The following PTPRT variants were observed in gnomAD, a reference collection of about 807,000 sequenced individuals.
PTPRT encodes receptor-type tyrosine-protein phosphatase T.
A neutral mutation model predicts 176.8 loss-of-function variants in PTPRT; 56 were observed. The observed-to-expected ratio is 0.32, with a 90% CI of 0.26 to 0.40. The LOEUF (loss-of-function observed/expected upper bound fraction) is 0.40, where lower values mean the gene tolerates loss of function less well. PTPRT is among the 10% of genes least tolerant of loss of function. The pLI is 1.00. For missense variants in PTPRT, 1,540 were observed against 1,908.2 expected, an observed-to-expected ratio of 0.81 and a Z score of 3.60; for synonymous variants, 783 against 739.0, an observed-to-expected ratio of 1.06 and a Z score of -0.96.
At chr20:42,221,993 T>G (rs548917949) in intron 15 of PTPRT, among the ~76,000 whole-genome samples, 1 of 151,568 alleles carries the variant, frequency 6.6e-6, no homozygotes, top group Non-Finnish European at 1.5e-5. Flanking sequence ...CCAAACCACA[T>G]CAGTTGGTTT....
At chr20:43,169,938 G>T (rs2146457954) in intron 1 of PTPRT, among the ~76,000 whole-genome samples, 1 of 152,250 alleles carries the variant, frequency 6.6e-6, no homozygotes, top group Middle Eastern at 3.4e-3. Context: ...CTCTTTGGTG[G>T]CTCAGAGGCT....
At chr20:42,799,962 A>G (rs2077506217) in intron 2 of PTPRT, among the ~76,000 whole-genome samples, 1 of 152,192 alleles carries the variant, frequency 6.6e-6, no homozygotes, top group Non-Finnish European at 1.5e-5. Context: ...GGAAGGAAAG[A>G]TCTTTCTCCT....
At chr20:43,126,218 G>A (rs536127026) in intron 1 of PTPRT, among the ~76,000 whole-genome samples, 18 of 152,152 alleles carry the variant, frequency 1.2e-4, no homozygotes, top group Non-Finnish European at 2.5e-4. Flanking sequence ...GGGCATGATG[G>A]TGGGTGCCTG....
At chr20:43,050,233 G>T (rs1304216603) in intron 1 of PTPRT, among the ~76,000 whole-genome samples, 2 of 152,248 alleles carry the variant, frequency 1.3e-5, no homozygotes, top group Non-Finnish European at 1.5e-5. Flanking sequence ...AGAGACAAGA[G>T]CATGGGCACT....
At chr20:42,943,575 G>T (rs1980702962) in intron 1 of PTPRT, among the ~76,000 whole-genome samples, 1 of 152,082 alleles carries the variant, frequency 6.6e-6, no homozygotes, top group Non-Finnish European at 1.5e-5. Flanking sequence ...TGCAAATCAG[G>T]CACAGGGATG....
At chr20:42,688,272 C>G (rs550110697) in intron 6 of PTPRT, 3 of 152,236 alleles carry the variant, frequency 2.0e-5, no homozygotes, top group African/African-American at 7.2e-5. Flanking sequence ...TTGTAGCACC[C>G]ATGGCACAGT....
At chr20:42,939,905 T>C (rs1333601996) in intron 1 of PTPRT, among the ~76,000 whole-genome samples, 1 of 152,202 alleles carries the variant, frequency 6.6e-6, no homozygotes, top group Non-Finnish European at 1.5e-5. Flanking sequence ...TATAATCTTA[T>C]CCATTCAGAG....
intron 27 of PTPRT, among the ~76,000 whole-genome samples, chr20:42,097,471 T>A (rs1197124899): frequency 6.6e-6 from 1 of 152,198 alleles, no homozygotes; most frequent in Non-Finnish European, 1.5e-5. Flanking sequence ...GTCACCTTCT[T>A]TTTGAAGTCT....
chr20:42,201,973 G>A (rs1234972194), intron 15 of PTPRT, among the ~76,000 whole-genome samples: 1 of 151,578 alleles, frequency 6.6e-6, no homozygotes, highest in Non-Finnish European at 1.5e-5. Flanking sequence ...GTGTGTGTGT[G>A]TGTGTATGTA....
At position 42,079,308 on chromosome 20, in the gene PTPRT, G is replaced by C. The variant is rs1983084497; in HGVS notation, c.*1571C>G. On this transcript the variant is annotated 3_prime_UTR_variant, in exon 31 of 31. Coordinates refer to ENST00000373187, the MANE Select transcript of PTPRT (RefSeq NM_007050.6). ...CATTTGTGGAGTTATCTGCTCAGAA[G>C]TTTCTGGCCTTATTTTCCCTCCATA... The C allele has an allele frequency of 4.9e-6, 1 of 205,628 alleles. No individual in the cohort carries two copies. Among genetic ancestry groups the C allele is most frequent in the African/African-American group, 2.3e-5 (1 of 43,758 alleles). 12.7% of individuals were successfully genotyped at this position (205,628 alleles called of 1,614,324 possible). A position where few individuals can be genotyped will look rare whatever the true frequency, so the allele number is the denominator to read the frequency against.
chr20:42,681,806 T>G (rs1043736992), intron 6 of PTPRT, among the ~76,000 whole-genome samples: 1 of 152,284 alleles, frequency 6.6e-6, no homozygotes, highest in Non-Finnish European at 1.5e-5. Context: ...TAAGAGCTTA[T>G]GGATCCATAA....
intron 7 of PTPRT, among the ~76,000 whole-genome samples, chr20:42,582,616 A>T (rs1001533631): frequency 2.0e-5 from 3 of 152,112 alleles, no homozygotes. Context: ...ACCTTTTCAA[A>T]ATTTGCACAG....
At chr20:43,104,620 A>G (rs2012522484) in intron 1 of PTPRT, among the ~76,000 whole-genome samples, 1 of 152,182 alleles carries the variant, frequency 6.6e-6, no homozygotes, top group Non-Finnish European at 1.5e-5. Context: ...AATAGATGGA[A>G]CTTTCCATGA....
chr20:43,049,021 C>A (rs1264816943), intron 1 of PTPRT, among the ~76,000 whole-genome samples: 6 of 152,176 alleles, frequency 3.9e-5, no homozygotes, highest in African/African-American at 9.7e-5. Context: ...GATAACCTGA[C>A]AGCTAAACAA....
intron 9 of PTPRT, among the ~76,000 whole-genome samples, chr20:42,355,035 CT>C (rs1033257725): frequency 6.6e-6 from 1 of 152,110 alleles, no homozygotes; most frequent in African/African-American, 2.4e-5. Context: ...CTGGTCACCC[CT>C]ACCCACCCCA....
At chr20:42,425,167 T>A in intron 9 of PTPRT, among the ~76,000 whole-genome samples, 1 of 152,004 alleles carries the variant, frequency 6.6e-6, no homozygotes. Context: ...TGGGAAACAT[T>A]GATGAACAAG....
At position 42,329,498 on chromosome 20, in the gene PTPRT, C is replaced by CAT. The variant is rs1311711362; in HGVS notation, c.1866-13503_1866-13502insAT. ...GCACACACACACACACACACACACA[C>CAT]ACACATACACACACACACACACACA... On this transcript the variant is annotated intron_variant, in intron 11 of 30. Coordinates refer to ENST00000373187, the MANE Select transcript of PTPRT (RefSeq NM_007050.6). Among the ~76,000 whole-genome samples the CAT allele has an allele frequency of 3.9e-3, 546 of 141,190 alleles. 1 individual carries two copies. The highest frequency in any genetic ancestry group is 0.014 in the Middle Eastern group (4 of 280). 92.6% of individuals were successfully genotyped at this position (141,190 alleles called of 152,430 possible). A position where few individuals can be genotyped will look rare whatever the true frequency, so the allele number is the denominator to read the frequency against.
intron 11 of PTPRT, among the ~76,000 whole-genome samples, chr20:42,335,914 G>C (rs1468477266): frequency 1.3e-5 from 2 of 152,140 alleles, no homozygotes; most frequent in Non-Finnish European, 2.9e-5. Flanking sequence ...AGACCATTAT[G>C]TTCAAATTTC....
At chr20:42,098,381 C>A in intron 27 of PTPRT, 40 bp downstream of exon 27, 1 of 1,610,246 alleles carries the variant, frequency 6.2e-7, no homozygotes, top group Non-Finnish European at 8.5e-7. Flanking sequence ...AGAGCATGGC[C>A]CCCCTGACCC....
Sources: gnomAD v4.1 joint callset for allele counts (sites outside exome capture counted in the v4.1 genomes callset) on GRCh38, gnomAD v4.1.1 for gene constraint, MANE v1.5 for transcripts, NCBI Gene and HGNC (gene_info 2026-07-23, HGNC 2026-07-21) for gene names.